The following NVL variants were observed in gnomAD, a reference collection of about 807,000 sequenced individuals.
The protein encoded by NVL is nuclear VCP like.
A neutral mutation model predicts 110.2 loss-of-function variants in NVL; 84 were observed. The ratio of observed to expected loss-of-function variants is 0.76; its 90% CI spans 0.64 to 0.91. The LOEUF (loss-of-function observed/expected upper bound fraction) is 0.91. Ranked by LOEUF, NVL falls within the 40% of genes least tolerant of loss-of-function variation. The pLI is 0.00. For synonymous variants in NVL, 354 were observed against 361.1 expected, an observed-to-expected ratio of 0.98 and a Z score of 0.22; for missense variants, 882 against 1,035.9, an observed-to-expected ratio of 0.85 and a Z score of 2.04.
At chr1:224,295,238 G>A (rs1288285340) in intron 11 of NVL, among the ~76,000 whole-genome samples, 3 of 152,080 alleles carry the variant, frequency 2.0e-5, no homozygotes, top group South Asian at 2.1e-4. Flanking sequence ...TGTCGCCCAG[G>A]CTGAAGTGCA....
chr1:224,304,077 A>G (rs1434341407), intron 8 of NVL, among the ~76,000 whole-genome samples: 1 of 152,224 alleles, frequency 6.6e-6, no homozygotes, highest in Non-Finnish European at 1.5e-5. Flanking sequence ...TACCTTGAGG[A>G]TGTAATGCAA....
At chr1:224,294,085 CCACTG>C (rs1253840584) in intron 12 of NVL, among the ~76,000 whole-genome samples, 177 bp downstream of exon 12, 1 of 152,232 alleles carries the variant, frequency 6.6e-6, no homozygotes, top group Non-Finnish European at 1.5e-5. Flanking sequence ...CAGGCATGAG[CCACTG>C]CACCCAGGCA....
intron 19 of NVL, among the ~76,000 whole-genome samples, chr1:224,236,930 A>G (rs577416993): frequency 1.3e-5 from 2 of 152,320 alleles, no homozygotes; most frequent in East Asian, 3.9e-4. Flanking sequence ...GACCATATTC[A>G]TCTACATAAT....
Position 224,289,549 on chromosome 1 carries a change from C to T in NVL, c.1510G>A (p.Glu504Lys). ...QEQQKKNPEMEDLPSKGVQEE... is the reference protein window; with the variant it reads ...QEQQKKNPEMKDLPSKGVQEE... ...TGGACTCCTTTAGATGGCAAATCTT[C>T]CATTTCAGGATTTTTCTTCTGCTGT... Residue 504 changes from glutamate to lysine, a missense_variant, in exon 13 of 23, where the codon GAA becomes AAA. By Grantham distance (56) the Glu-to-Lys change is moderately conservative (BLOSUM62 1). Around this residue, in one of 4 missense-constraint regions of NVL, gnomAD observed 416 missense variants for 499.3 expected, o/e 0.83. Transcript: ENST00000281701. The T allele has an allele frequency of 6.2e-7, 1 of 1,614,206 alleles. No homozygotes were observed. The highest frequency in any genetic ancestry group is 8.5e-7 in the Non-Finnish European group (1 of 1,180,038).
chr1:224,304,042 C>G (rs185288211), intron 8 of NVL, among the ~76,000 whole-genome samples, 185 bp from the exon 9 acceptor site: 1 of 152,296 alleles, frequency 6.6e-6, no homozygotes, highest in Non-Finnish European at 1.5e-5. Flanking sequence ...CTCTGAGGAG[C>G]TATTTCCTAA....
intron 2 of NVL, among the ~76,000 whole-genome samples, chr1:224,325,868 C>G (rs960051446): frequency 6.6e-6 from 1 of 152,150 alleles, no homozygotes; most frequent in South Asian, 2.1e-4. Context: ...CTCACTACAG[C>G]CTTGACCTCC....
intron 18 of NVL, chr1:224,256,949 C>T (rs938723422): frequency 1.3e-5 from 6 of 458,452 alleles, no homozygotes; most frequent in Admixed American, 2.7e-5. Context: ...AGCTATCACC[C>T]GGCTCAAACC....
chr1:224,251,277 A>C (rs1662466959), intron 18 of NVL, among the ~76,000 whole-genome samples: 1 of 150,798 alleles, frequency 6.6e-6, no homozygotes, highest in African/African-American at 2.4e-5. Flanking sequence ...GTCTCAAAAA[A>C]AAAAAAAAAA....
intron 17 of NVL, 79 bp from the exon 18 acceptor site, chr1:224,268,212 C>T: frequency 1.0e-6 from 1 of 983,576 alleles, no homozygotes; most frequent in Non-Finnish European, 1.6e-6. Context: ...AAAAATAATA[C>T]ATTTCCCCAT....
chr1:224,228,793 G>T (rs1358885164), intron 22 of NVL, among the ~76,000 whole-genome samples: 1 of 150,310 alleles, frequency 6.7e-6, no homozygotes, highest in Non-Finnish European at 1.5e-5. Flanking sequence ...AAAAAAATTA[G>T]CTGGGCATGG....
intron 18 of NVL, among the ~76,000 whole-genome samples, chr1:224,252,227 A>G (rs1662584709): frequency 6.6e-6 from 1 of 152,030 alleles, no homozygotes; most frequent in Non-Finnish European, 1.5e-5. Context: ...CACCTCTTTC[A>G]GGAAGTTTTC....
chr1:224,313,088 C>T lies in NVL; in HGVS notation c.285-1231G>A, dbSNP rs557633400. ...GTGGGAGGATCGCTTGGGCCTGGGACGTCAAGACTGCGGTAAGCCATGATT... is the reference window on the plus strand; with the variant it reads ...GTGGGAGGATCGCTTGGGCCTGGGATGTCAAGACTGCGGTAAGCCATGATT... On this transcript the variant is annotated intron_variant, in intron 4 of 22. Transcript: ENST00000281701. The T allele has an allele frequency of 3.2e-4, 123 of 387,754 alleles. 1 individual carries two copies. The highest frequency in any genetic ancestry group is 1.1e-3 in the Admixed American group (41 of 38,998). The allele number at this position is 387,754 out of a possible 1,614,324, so 24.0% of individuals were successfully genotyped here.
chr1:224,304,418 C>T (rs1014984244), intron 8 of NVL, among the ~76,000 whole-genome samples: 4 of 151,738 alleles, frequency 2.6e-5, no homozygotes, highest in Non-Finnish European at 1.5e-5. Flanking sequence ...AGCTACACTC[C>T]TTCTCAAAAT....
At chr1:224,310,907 G>GT (rs1307120593) in intron 5 of NVL, among the ~76,000 whole-genome samples, 1 of 151,814 alleles carries the variant, frequency 6.6e-6, no homozygotes, top group Admixed American at 6.6e-5. Flanking sequence ...ATTTTTATTT[G>GT]TTTTTTGTAG....
intron 19 of NVL, among the ~76,000 whole-genome samples, chr1:224,238,596 A>ATCCATTT (rs1263903969): frequency 7.9e-5 from 12 of 152,206 alleles, no homozygotes; most frequent in Non-Finnish European, 1.8e-4. Context: ...TTCCCATTCA[A>ATCCATTT]TCCATTTTGA....
intron 22 of NVL, 163 bp from the exon 23 acceptor site, chr1:224,227,833 T>C: frequency 2.1e-6 from 1 of 475,252 alleles, no homozygotes; most frequent in South Asian, 3.0e-5. Context: ...TAAAATGAGG[T>C]CATACAGGTA....
chr1:224,228,404 A>G (rs1039449686), intron 22 of NVL, among the ~76,000 whole-genome samples: 18 of 151,928 alleles, frequency 1.2e-4, no homozygotes, highest in Non-Finnish European at 2.9e-5. Flanking sequence ...TCCTGGGTTC[A>G]AGGGATTCCC....
intron 10 of NVL, chr1:224,297,583 C>T (rs1165897461): frequency 1.3e-5 from 2 of 153,472 alleles, no homozygotes; most frequent in Non-Finnish European, 1.5e-5. Context: ...CAGAATTGTA[C>T]ACTTAAAAAT....
intron 6 of NVL, among the ~76,000 whole-genome samples, chr1:224,306,193 G>A (rs1245639015): frequency 6.6e-6 from 1 of 152,096 alleles, no homozygotes; most frequent in African/African-American, 2.4e-5. Context: ...CAAGGCTATA[G>A]TGTTCTGTGA....
Sources: gnomAD v4.1 joint callset for allele counts (sites outside exome capture counted in the v4.1 genomes callset) on GRCh38, gnomAD v4.1.1 for gene constraint, gnomAD v4.1.1 regional missense constraint, MANE v1.5 for transcripts, NCBI Gene and HGNC (gene_info 2026-07-23, HGNC 2026-07-21) for gene names.